The following COL17A1 variants were observed in gnomAD, a reference collection of about 807,000 sequenced individuals.
COL17A1 encodes the protein collagen type XVII alpha 1 chain.
In COL17A1, 181 loss-of-function variants were observed where a neutral mutation model predicts 218.4. The observed-to-expected ratio is 0.83, with a 90% CI of 0.73 to 0.94. The LOEUF is 0.94. COL17A1 is among the 40% of genes least tolerant of loss of function. The probability of loss-of-function intolerance (pLI) is 0.00; values close to 1 mark genes in which losing one functional copy is unlikely to be tolerated. For synonymous variants in COL17A1, 721 were observed against 731.0 expected (o/e 0.99, Z 0.22); for missense variants, 1,924 against 1,945.9 (o/e 0.99, Z 0.21).
At position 104,055,949 on chromosome 10, in the gene COL17A1, C is replaced by G; in HGVS notation, c.1520G>C (p.Arg507Thr). 1 of 1,614,180 alleles carries G rather than the reference C, an allele frequency of 6.2e-7. No homozygotes were observed. Among genetic ancestry groups the G allele is most frequent in the Non-Finnish European group, 8.5e-7 (1 of 1,180,046 alleles). Residue 507 changes from arginine (R) to threonine (T), a missense_variant, in exon 18 of 56, where the codon AGG becomes ACG. Arg to Thr is a moderately conservative substitution (Grantham distance 71). Coordinates refer to ENST00000648076, the MANE Select transcript of COL17A1 (RefSeq NM_000494.4). ...GCTGTCCCCATAGGGCAGTATGCTC[C>G]TCCTGATCCTCTCCAGCTCATCCAC... ...ARVDELERIR[R>T]SILPYGDSMD...
intron 35 of COL17A1, 113 bp downstream of exon 35, chr10:104,043,388 T>G (rs535226288): frequency 1.0e-6 from 1 of 985,862 alleles, no homozygotes; most frequent in South Asian, 1.4e-5. Context: ...CTCCTTATTC[T>G]CTTTACCAGG....
chr10:104,081,921 A>T (rs1202159860), intron 1 of COL17A1, among the ~76,000 whole-genome samples: 1 of 152,232 alleles, frequency 6.6e-6, no homozygotes, highest in African/African-American at 2.4e-5. Context: ...ATAGAATTTT[A>T]AAAAGTTTTT....
intron 11 of COL17A1, among the ~76,000 whole-genome samples, chr10:104,063,011 A>G (rs1008343307): frequency 6.6e-6 from 1 of 152,270 alleles, no homozygotes; most frequent in Non-Finnish European, 1.5e-5. Context: ...CAGAAGAAAT[A>G]AAACATGTAG....
At chr10:104,064,340 G>C (rs1335840442) in intron 10 of COL17A1, 98 bp downstream of exon 10, 5 of 1,586,442 alleles carry the variant, frequency 3.2e-6, no homozygotes, top group Non-Finnish European at 4.3e-6. Flanking sequence ...TCTCCAGGAG[G>C]CCCTGAGGAT....
chr10:104,039,100 GCC>G lies in COL17A1; in HGVS notation c.2916_2917del (p.Ala973SerfsTer5). The G allele has an allele frequency of 6.2e-7, 1 of 1,614,146 alleles. No homozygotes were observed. The highest frequency in any genetic ancestry group is 8.5e-7 in the Non-Finnish European group (1 of 1,180,002). ...AGAAGGACCACTAGGAATGCCAAGA[GCC>G]CCTGGAACACCTGGATCACCTGGAA... On this transcript the variant is annotated frameshift_variant, in exon 44 of 56. Coordinates refer to ENST00000648076, the MANE Select transcript of COL17A1 (RefSeq NM_000494.4). LOFTEE classifies it high-confidence loss of function.
Position 104,037,636 on chromosome 10 carries a change from T to TCCG in COL17A1, c.3205_3207dup (p.Arg1069dup). ...GTGCAGGGCGTGGGGAAGGGCTTAC[T>TCCG]CCGTAAGTAGCTCACAACGTGGCTT... On this transcript the variant is annotated inframe_insertion and splice_region_variant, in exon 46 of 56. Transcript: ENST00000648076. The TCCG allele has an allele frequency of 6.2e-7, 1 of 1,614,130 alleles. No individual in the cohort carries two copies. The highest frequency in any genetic ancestry group is 8.5e-7 in the Non-Finnish European group (1 of 1,180,024).
At chr10:104,054,926 T>C (rs1226772686) in intron 20 of COL17A1, 55 bp downstream of exon 20, 4 of 1,613,464 alleles carry the variant, frequency 2.5e-6, no homozygotes, top group Non-Finnish European at 2.5e-6. Flanking sequence ...GCTGATTGTT[T>C]GAAACAATTA....
intron 20 of COL17A1, among the ~76,000 whole-genome samples, chr10:104,054,459 G>T (rs1304143614): frequency 1.3e-5 from 2 of 152,124 alleles, no homozygotes; most frequent in African/African-American, 4.8e-5. Flanking sequence ...GGAGACTTGG[G>T]GAAGGAGGGC....
chr10:104,033,721 G>A (rs754240240), intron 52 of COL17A1, among the ~76,000 whole-genome samples: 1 of 152,180 alleles, frequency 6.6e-6, no homozygotes, highest in Non-Finnish European at 1.5e-5. Flanking sequence ...GGAAAACAAA[G>A]TACAAAGCCC....
chr10:104,067,625 G>T (rs149966660), intron 9 of COL17A1, among the ~76,000 whole-genome samples: 1 of 152,180 alleles, frequency 6.6e-6, no homozygotes, highest in Non-Finnish European at 1.5e-5. Flanking sequence ...AAAGAGTTAA[G>T]CTGCTGACCC....
intron 4 of COL17A1, among the ~76,000 whole-genome samples, 160 bp downstream of exon 4, chr10:104,077,262 A>T (rs1390403761): frequency 1.3e-5 from 2 of 151,920 alleles, no homozygotes; most frequent in Admixed American, 6.5e-5. Flanking sequence ...TATTTAGATA[A>T]CTCTCAGGGG....
intron 36 of COL17A1, among the ~76,000 whole-genome samples, chr10:104,041,958 G>A (rs1257883838): frequency 6.6e-6 from 1 of 152,152 alleles, no homozygotes; most frequent in Admixed American, 6.5e-5. Context: ...GTGAAACACT[G>A]AAGACCAAGC....
intron 1 of COL17A1, among the ~76,000 whole-genome samples, chr10:104,082,413 C>T (rs540559817): frequency 4.7e-4 from 72 of 152,290 alleles, no homozygotes; most frequent in African/African-American, 1.7e-3. Flanking sequence ...AAAGCCTTCT[C>T]TGACTTTCTT....
chr10:104,044,165 A>G (rs1265454325), intron 33 of COL17A1, among the ~76,000 whole-genome samples: 1 of 152,334 alleles, frequency 6.6e-6, no homozygotes, highest in African/African-American at 2.4e-5. Context: ...TCATGCTCCC[A>G]CATTCCACCA....
intron 36 of COL17A1, 101 bp from the exon 37 acceptor site, chr10:104,041,639 G>A: frequency 2.0e-6 from 2 of 1,004,930 alleles, no homozygotes; most frequent in Non-Finnish European, 3.1e-6. Flanking sequence ...GGCACTCCAG[G>A]CTACCCTCAC....
rs758948476 is a variant in COL17A1, at chr10:104,035,255, TGCC to T, written c.3619+5_3619+7del. ...CTGCCCTCCCCATCCCACTCCACAG[TGCC>T]CTACTATGTAAGTAAGACGAGAGGT... On this transcript the variant is annotated splice_donor_5th_base_variant and intron_variant, in intron 50 of 55. Transcript: ENST00000648076. 3 of 1,609,696 alleles carry T rather than the reference TGCC, an allele frequency of 1.9e-6. No homozygotes were observed. The South Asian group carries it at 3.3e-5, about 18-fold the overall frequency.
chr10:104,036,766 A>C, intron 47 of COL17A1, 134 bp from the exon 48 acceptor site: 2 of 1,146,160 alleles, frequency 1.7e-6, no homozygotes, highest in Non-Finnish European at 2.5e-6. Flanking sequence ...CCGCAGGACC[A>C]CGGTGTTCAG....
chr10:104,042,565 C>A, intron 35 of COL17A1, 110 bp from the exon 36 acceptor site: 2 of 1,090,464 alleles, frequency 1.8e-6, no homozygotes, highest in Admixed American at 3.7e-5. Context: ...AAGAGGCCAC[C>A]TTGCTTATTT....
At position 104,049,433 on chromosome 10, in the gene COL17A1, C is replaced by T; in HGVS notation, c.2203G>A (p.Glu735Lys). 1 of 1,614,244 alleles carries T rather than the reference C, an allele frequency of 6.2e-7. No individual in the cohort carries two copies. Among genetic ancestry groups the T allele is most frequent in the Non-Finnish European group, 8.5e-7 (1 of 1,180,042 alleles). Residue 735 changes from glutamate (E) to lysine (K), a missense_variant, in exon 29 of 56, where the codon GAG (glutamate) becomes AAG (lysine). Transcript: ENST00000648076. ...CCCATTGCTCCTTTAGCCCCGGGCT[C>T]ACCAACAGCACCAGGCAAACCTCTC... Reference protein sequence around the residue: ...GMRGLPGAVGEPGAKGAMGPA... With the variant: ...GMRGLPGAVGKPGAKGAMGPA...
Sources: allele counts gnomAD v4.1 joint callset (sites outside exome capture counted in the v4.1 genomes callset), GRCh38; gene constraint gnomAD v4.1.1; transcripts MANE v1.5; gene names NCBI Gene and HGNC (gene_info 2026-07-23, HGNC 2026-07-21).